The following CCDC85C variants were observed in gnomAD, a reference collection of about 807,000 sequenced individuals.
CCDC85C encodes coiled-coil domain-containing protein 85C.
In CCDC85C, 18 loss-of-function variants were observed where a neutral mutation model predicts 38.3. The ratio of observed to expected loss-of-function variants is 0.47; its 90% confidence interval spans 0.33 to 0.70. CCDC85C has a LOEUF of 0.70. CCDC85C is among the 30% of genes least tolerant of loss of function. CCDC85C has a pLI of 0.03. For synonymous variants in CCDC85C, 264 were observed against 293.8 expected (o/e 0.90, Z 1.04); for missense variants, 566 against 621.2 (o/e 0.91, Z 0.94).
In CCDC85C at chr14:99,556,525, G is replaced by A. The variant is rs904665788; in HGVS notation, c.794-20437C>T. ...GTCACTATGCTATATGAAAGTTCTCGTTCTTTTTTTGCGACAGTATCTCAC... is the reference window on the plus strand; with the variant it reads ...GTCACTATGCTATATGAAAGTTCTCATTCTTTTTTTGCGACAGTATCTCAC... On this transcript the variant is annotated intron_variant, in intron 1 of 5. Coordinates refer to ENST00000380243, the MANE Select transcript of CCDC85C (RefSeq NM_001144995.2). 9.2e-5 allele frequency among the ~76,000 whole-genome samples: 14 copies of A among 151,998 alleles called. No individual in the cohort carries two copies. The East Asian group carries it at 1.9e-3, about 21-fold the overall frequency.
rs115344406 is a variant in CCDC85C, at chr14:99,563,204, G to A, written c.794-27116C>T. 4.5e-3 allele frequency among the ~76,000 whole-genome samples: 684 copies of A among 152,376 alleles called. 3 individuals are homozygous for A. The highest frequency in any genetic ancestry group is 0.015 in the African/African-American group (635 of 41,592). ...GCAATAAAACAGATGCCTCAGCCAT[G>A]GCAGGGACTGGGTGCACTGGGAGGC... is the stretch of plus-strand genomic sequence containing the variant. On this transcript the variant is annotated intron_variant, in intron 1 of 5. Coordinates refer to ENST00000380243, the MANE Select transcript of CCDC85C (RefSeq NM_001144995.2).
At position 99,544,237 on chromosome 14, in the gene CCDC85C, C is replaced by T. The variant is rs946799324; in HGVS notation, c.794-8149G>A. Among the ~76,000 whole-genome samples the T allele has an allele frequency of 1.3e-5, 2 of 152,144 alleles. No individual in the cohort carries two copies. Among genetic ancestry groups the T allele is most frequent in the Admixed American group, 1.3e-4 (2 of 15,282 alleles). On this transcript the variant is annotated intron_variant, in intron 1 of 5. Coordinates refer to ENST00000380243, the MANE Select transcript of CCDC85C (RefSeq NM_001144995.2). This position sits in a 1 kb window ranked among gnomAD's most constrained non-coding sequence, Gnocchi z 5.3. ...AACCTTGCAGGGCTGAGATTTGAACCTGGGTCTGTCTACAGCCAAGGCTCT... is the reference window on the plus strand; with the variant it reads ...AACCTTGCAGGGCTGAGATTTGAACTTGGGTCTGTCTACAGCCAAGGCTCT...
chr14:99,578,833 T>C (rs1030159708), intron 1 of CCDC85C, among the ~76,000 whole-genome samples: 2 of 151,624 alleles, frequency 1.3e-5, no homozygotes, highest in African/African-American at 4.9e-5. Context: ...TTCCCTAGAG[T>C]GAGGATGTAA....
chr14:99,594,103 G>A (rs2055118396), intron 1 of CCDC85C, among the ~76,000 whole-genome samples: 1 of 152,110 alleles, frequency 6.6e-6, no homozygotes, highest in Non-Finnish European at 1.5e-5. Flanking sequence ...GGTGGGCAAA[G>A]TGGGTCAACC....
At chr14:99,587,836 G>A (rs1159735235) in intron 1 of CCDC85C, among the ~76,000 whole-genome samples, 2 of 152,204 alleles carry the variant, frequency 1.3e-5, no homozygotes, top group African/African-American at 4.8e-5. Flanking sequence ...GTAAGATGGT[G>A]CAGCAGGCAG....
In CCDC85C at chr14:99,507,394, A is replaced by AG; in HGVS notation, c.*7851_*7852insC. 1 of 489,118 alleles carries AG rather than the reference A, an allele frequency of 2.0e-6. No homozygotes were observed. Among genetic ancestry groups the AG allele is most frequent in the South Asian group, 2.1e-5 (1 of 47,222 alleles). The allele number at this position is 489,118 out of a possible 1,614,324, so 30.3% of individuals were successfully genotyped here. On this transcript the variant is annotated 3_prime_UTR_variant, in exon 6 of 6. Coordinates refer to ENST00000380243, the MANE Select transcript of CCDC85C (RefSeq NM_001144995.2). ...GAGTTCGAGGTCAGCCTGGGCAACA[A>AG]AGTGAGACCCTGTCTAAAAAATTAG...
At chr14:99,563,422 G>T (rs554443462) in intron 1 of CCDC85C, among the ~76,000 whole-genome samples, 1 of 152,266 alleles carries the variant, frequency 6.6e-6, no homozygotes, top group Admixed American at 6.5e-5. Context: ...ACTGGCCCAA[G>T]CCACGCCCCC....
rs56085816 is a variant in CCDC85C, at chr14:99,516,798, A to T, written c.1071+290T>A. On this transcript the variant is annotated intron_variant, in intron 4 of 5. Coordinates refer to ENST00000380243, the MANE Select transcript of CCDC85C (RefSeq NM_001144995.2). This position sits in a 1 kb window ranked among gnomAD's most constrained non-coding sequence, Gnocchi z 5.5. ...CAGACCTGAGGTTAGTTCTAGCCCC[A>T]CTCCTGCCCCTCTCTCTCTGGCCTT... Among the ~76,000 whole-genome samples, 1 of 151,572 alleles carries T rather than the reference A, an allele frequency of 6.6e-6. No individual in the cohort carries two copies. Among genetic ancestry groups the T allele is most frequent in the African/African-American group, 2.4e-5 (1 of 41,160 alleles).
intron 1 of CCDC85C, among the ~76,000 whole-genome samples, chr14:99,562,014 G>A (rs1442324751): frequency 1.3e-5 from 2 of 152,130 alleles, no homozygotes; most frequent in South Asian, 2.1e-4. Flanking sequence ...GCCACTGACT[G>A]GAACACCTGC....
At position 99,520,096 on chromosome 14, in the gene CCDC85C, G is replaced by GA. The variant is rs1388887413; in HGVS notation, c.975+2036dup. On this transcript the variant is annotated intron_variant, in intron 3 of 5. Coordinates refer to ENST00000380243, the MANE Select transcript of CCDC85C (RefSeq NM_001144995.2). The surrounding 1 kb of genome is among the most constrained non-coding windows in gnomAD (Gnocchi z 4.1). ...GAGGGTATGGGCAGCAGTGGGCAGG[G>GA]AGGGGGTGTCCACCCCAGAGAGTCA... Among the ~76,000 whole-genome samples the GA allele has an allele frequency of 6.6e-6, 1 of 152,186 alleles. No homozygotes were observed. Among genetic ancestry groups the GA allele is most frequent in the African/African-American group, 2.4e-5 (1 of 41,438 alleles).
intron 1 of CCDC85C, among the ~76,000 whole-genome samples, chr14:99,591,413 G>A (rs904674336): frequency 8.5e-5 from 13 of 152,238 alleles, no homozygotes; most frequent in Non-Finnish European, 1.6e-4. Context: ...CAAGAGCCTG[G>A]CCTGGGGCTG....
rs1272043906 is a variant in CCDC85C at position 99,506,867 on chromosome 14, G to A, written c.*8379C>T. On this transcript the variant is annotated 3_prime_UTR_variant, in exon 6 of 6. Transcript: ENST00000380243. The stretch of plus-strand genomic sequence containing the variant: ...AAAATGGGCTGCCTGTGGGAAGCTC[G>A]CAGGTCTTTTGGAGGGAGGTGGCAT... 1.3e-5 allele frequency: 7 copies of A among 536,876 alleles called. No homozygotes were observed. The highest frequency in any genetic ancestry group is 2.0e-5 in the Non-Finnish European group (6 of 296,250). The allele number at this position is 536,876 out of a possible 1,614,324, so 33.3% of individuals were successfully genotyped here. A position where few individuals can be genotyped will look rare whatever the true frequency, so the allele number is the denominator to read the frequency against.
At chr14:99,592,736 T>A (rs549722969) in intron 1 of CCDC85C, among the ~76,000 whole-genome samples, 120 of 152,182 alleles carry the variant, frequency 7.9e-4, no homozygotes, top group African/African-American at 2.9e-3. Flanking sequence ...GGCAGAGCAG[T>A]AGACAGGAGG....
chr14:99,507,334 T>C lies in CCDC85C; in HGVS notation c.*7912A>G, dbSNP rs932485593. The C allele has an allele frequency of 2.5e-5, 15 of 591,048 alleles. No individual in the cohort carries two copies. Among genetic ancestry groups the C allele is most frequent in the Admixed American group, 5.7e-5 (2 of 35,312 alleles). The allele number at this position is 591,048 out of a possible 1,614,324, so 36.6% of individuals were successfully genotyped here. ...GCTTGTGTTTTTGATCCCAGCACTT[T>C]GGGAGGCGGAGGCAGGAGAATCACC... On this transcript the variant is annotated 3_prime_UTR_variant, in exon 6 of 6. Transcript: ENST00000380243.
At chr14:99,549,025 C>T (rs1897857009) in intron 1 of CCDC85C, among the ~76,000 whole-genome samples, 2 of 152,160 alleles carry the variant, frequency 1.3e-5, no homozygotes, top group African/African-American at 2.4e-5. Flanking sequence ...CCTCAGCTCT[C>T]CCTGGGAAAA....
intron 2 of CCDC85C, 114 bp from the exon 3 acceptor site, chr14:99,522,354 ACCCCTCCACCCT>A: frequency 3.0e-6 from 2 of 673,652 alleles, no homozygotes; most frequent in Non-Finnish European, 4.9e-6. Flanking sequence ...GCCCCGGAGG[ACCCCTCCACCCT>A]CCCCTCCACA....
intron 1 of CCDC85C, among the ~76,000 whole-genome samples, chr14:99,551,608 G>A (rs1001931507): frequency 1.7e-4 from 26 of 150,010 alleles, no homozygotes; most frequent in African/African-American, 6.4e-4. Context: ...GAGTGTGCAG[G>A]TGGGTGAGCA....
chr14:99,575,649 A>G (rs1373858653), intron 1 of CCDC85C, among the ~76,000 whole-genome samples: 2 of 152,190 alleles, frequency 1.3e-5, no homozygotes, highest in Non-Finnish European at 2.9e-5. Flanking sequence ...GCCTCTGCGC[A>G]CAGCGGACCT....
chr14:99,589,523 T>C (rs546989762), intron 1 of CCDC85C, among the ~76,000 whole-genome samples: 3 of 152,308 alleles, frequency 2.0e-5, no homozygotes, highest in African/African-American at 7.2e-5. Flanking sequence ...TCACCAACTC[T>C]CCTACCTGGA....
Sources: gnomAD v4.1 joint callset for allele counts (sites outside exome capture counted in the v4.1 genomes callset) on GRCh38, gnomAD v4.1.1 for gene constraint, Gnocchi (gnomAD v3.1) non-coding constraint, MANE v1.5 for transcripts, NCBI Gene and HGNC (gene_info 2026-07-23, HGNC 2026-07-21) for gene names.